CACNB1: variants seen among roughly 807,000 people sequenced by gnomAD.
The protein encoded by CACNB1 is voltage-dependent L-type calcium channel subunit beta-1.
Under a neutral mutation model 71.6 loss-of-function variants are expected in CACNB1, and 29 were observed. The observed-to-expected ratio is 0.40, with a 90% CI of 0.30 to 0.55. The LOEUF (loss-of-function observed/expected upper bound fraction) is 0.55, where lower values mean the gene tolerates loss of function less well. Ranked by LOEUF, CACNB1 falls within the 20% of genes least tolerant of loss-of-function variation. The pLI, the probability that CACNB1 is intolerant of heterozygous loss-of-function variation, is 0.38. For synonymous variants in CACNB1, 300 were observed against 319.6 expected, an observed-to-expected ratio of 0.94 and a Z score of 0.65; for missense variants, 623 against 801.8, an observed-to-expected ratio of 0.78 and a Z score of 2.69.
In CACNB1 at chr17:39,186,069, G is replaced by A; in HGVS notation, c.628+427C>T. 2 of 1,613,966 alleles carry A rather than the reference G, an allele frequency of 1.2e-6. No homozygotes were observed. The highest frequency in any genetic ancestry group is 1.7e-5 in the Admixed American group (1 of 60,012). ...GCCTCTTCCTCCTCTAACTCTAGGGGGTCTAGTTCAAAGGCTAAGTTAGTC... is the reference window on the plus strand; with the variant it reads ...GCCTCTTCCTCCTCTAACTCTAGGGAGTCTAGTTCAAAGGCTAAGTTAGTC... On this transcript the variant is annotated intron_variant, in intron 6 of 13. Transcript: ENST00000394303. This position sits in a 1 kb window ranked among gnomAD's most constrained non-coding sequence, Gnocchi z 4.1.
chr17:39,178,033 T>C lies in CACNB1; in HGVS notation c.1097A>G (p.His366Arg). Residue 366 changes from histidine (H) to arginine (R), a missense_variant, in exon 12 of 14, where the codon CAC becomes CGC. Coordinates refer to ENST00000394303, the MANE Select transcript of CACNB1 (RefSeq NM_000723.5). ...CGAGGCCGCTATTTGGACATTGAGG[T>C]GTTTGGACTGAGACTTTCCTCGGGA... ...IKSRGKSQSKHLNVQIAASEK... is the reference protein window; with the variant it reads ...IKSRGKSQSKRLNVQIAASEK... 1 of 1,613,962 alleles carries C rather than the reference T, an allele frequency of 6.2e-7. No homozygotes were observed. The highest frequency in any genetic ancestry group is 8.5e-7 in the Non-Finnish European group (1 of 1,179,964).
Position 39,187,548 on chromosome 17 carries a change from T to G in CACNB1, c.345A>C (p.Pro115=), listed in dbSNP as rs781283414. The G allele has an allele frequency of 2.1e-5, 34 of 1,614,044 alleles. No homozygotes were observed. In the Admixed American group the frequency reaches 5.7e-4, roughly 27 times the overall value. Reference sequence around the variant, plus strand: ...CTCCCTGCACAGGCACCTCATCCCCTGGAGACGGATTGTAGCCAACATTTG... The same window carrying G: ...CTCCCTGCACAGGCACCTCATCCCCGGGAGACGGATTGTAGCCAACATTTG... The part of the protein sequence containing the change: ...VRTNVGYNPS[P]GDEVPVQGVA... The change falls in exon 4 of 14, where the codon CCA becomes CCC. Residue 115 remains proline, a synonymous_variant. Transcript: ENST00000394303.
At position 39,185,189 on chromosome 17, in the gene CACNB1, G is replaced by A. The variant is rs184652072; in HGVS notation, c.629-39C>T. 2.1e-5 allele frequency: 33 copies of A among 1,540,338 alleles called. No individual in the cohort carries two copies. The East Asian group carries it at 7.2e-4, about 34-fold the overall frequency. On this transcript the variant is annotated intron_variant, in intron 6 of 13. Coordinates refer to ENST00000394303, the MANE Select transcript of CACNB1 (RefSeq NM_000723.5). Reference sequence around the variant, plus strand: ...TTGCCAAGAGAGGGAAGGGGGAGGAGAGAGGGAAGGGGACCCAGGCAGGGG... The same window carrying A: ...TTGCCAAGAGAGGGAAGGGGGAGGAAAGAGGGAAGGGGACCCAGGCAGGGG...
Position 39,175,199 on chromosome 17 carries a change from A to G in CACNB1, c.1791T>C (p.Ile597=). 1 of 1,609,220 alleles carries G rather than the reference A, an allele frequency of 6.2e-7. No individual in the cohort carries two copies. The highest frequency in any genetic ancestry group is 8.5e-7 in the Non-Finnish European group (1 of 1,177,214). The change falls in exon 14 of 14, where the codon ATT becomes ATC. Residue 597 remains isoleucine (I), a synonymous_variant. Transcript: ENST00000394303. This position sits in a 1 kb window ranked among gnomAD's most constrained non-coding sequence, Gnocchi z 4.7. ...GCCGTGTGGCCCCTGCCTCTCAGCGAATGTAGACGCCTCGTCCCCAGCCCT... is the reference window on the plus strand; with the variant it reads ...GCCGTGTGGCCCCTGCCTCTCAGCGGATGTAGACGCCTCGTCCCCAGCCCT... ...ELEGWGRGVY[I]R
chr17:39,186,739 G>A lies in CACNB1; in HGVS notation c.551+54C>T, dbSNP rs933072825. The stretch of plus-strand genomic sequence containing the variant: ...CAACCATTGAGGCCTAGTCCAGGCT[G>A]TATGGCCTCTCCTGGGGTTGGCAGC... On this transcript the variant is annotated intron_variant, in intron 5 of 13. Coordinates refer to ENST00000394303, the MANE Select transcript of CACNB1 (RefSeq NM_000723.5). The surrounding 1 kb of genome is among the most constrained non-coding windows in gnomAD (Gnocchi z 4.1). 1 of 1,605,356 alleles carries A rather than the reference G, an allele frequency of 6.2e-7. No individual in the cohort carries two copies. The highest frequency in any genetic ancestry group is 8.5e-7 in the Non-Finnish European group (1 of 1,173,586).
chr17:39,178,308 G>A (rs942657213), intron 11 of CACNB1: 11 of 419,280 alleles, frequency 2.6e-5, no homozygotes, highest in Non-Finnish European at 4.3e-5. Flanking sequence ...TTCCTTAGGG[G>A]CTATATGAAG....
chr17:39,181,090 A>G (rs888349483), intron 11 of CACNB1, among the ~76,000 whole-genome samples: 2 of 151,942 alleles, frequency 1.3e-5, no homozygotes, highest in Admixed American at 1.3e-4. Context: ...GTTTATTTTT[A>G]TTTATTTATT....
rs755303801 is a variant in CACNB1 at position 39,184,870 on chromosome 17, G to T, written c.649-6C>A. ...TAGGGGGGCACATGCTCTGTCTGGG[G>T]GGGGAAGCAGGGAGGGGAAACCCCA... On this transcript the variant is annotated splice_polypyrimidine_tract_variant and splice_region_variant and intron_variant, in intron 7 of 13. Transcript: ENST00000394303. 11 of 1,527,266 alleles carry T rather than the reference G, an allele frequency of 7.2e-6. No homozygotes were observed. In the Admixed American group the frequency reaches 1.5e-4, roughly 21 times the overall value. 94.6% of individuals were successfully genotyped at this position (1,527,266 alleles called of 1,614,324 possible).
In CACNB1 at chr17:39,183,494, A is replaced by T. The variant is rs542763530; in HGVS notation, c.1050+219T>A. Among the ~76,000 whole-genome samples the T allele has an allele frequency of 2.6e-5, 4 of 152,306 alleles. No homozygotes were observed. In the South Asian group the frequency reaches 8.3e-4, roughly 32 times the overall value. On this transcript the variant is annotated intron_variant, in intron 11 of 13. Coordinates refer to ENST00000394303, the MANE Select transcript of CACNB1 (RefSeq NM_000723.5). ...GACTGGTCTGCATGACCCTAATAAT[A>T]GTAAATAATAGCTAACATGTTGTAT...
chr17:39,178,330 T>C (rs1028036151), intron 11 of CACNB1: 8 of 350,604 alleles, frequency 2.3e-5, no homozygotes, highest in African/African-American at 4.3e-5. Context: ...GCAGTGATTC[T>C]CCTTCTCAAC....
intron 8 of CACNB1, 114 bp from the exon 9 acceptor site, chr17:39,184,497 C>G (rs931011283): frequency 1.4e-6 from 1 of 702,926 alleles, no homozygotes; most frequent in Non-Finnish European, 2.6e-6. Context: ...TCTGGACAGG[C>G]CTTTACGGCG....
At chr17:39,195,844 A>G (rs893127216) in intron 1 of CACNB1, among the ~76,000 whole-genome samples, 6 of 152,094 alleles carry the variant, frequency 3.9e-5, no homozygotes, top group African/African-American at 1.4e-4. Context: ...GCACCACATG[A>G]GCCTAGGACA....
chr17:39,184,712 T>C lies in CACNB1; in HGVS notation c.729+72A>G, dbSNP rs75973663. 1.2e-3 allele frequency: 1,290 copies of C among 1,108,926 alleles called. 10 individuals carry two copies. The African/African-American group carries it at 0.018, about 16-fold the overall frequency. The allele number at this position is 1,108,926 out of a possible 1,614,324, so 68.7% of individuals were successfully genotyped here. A position where few individuals can be genotyped will look rare whatever the true frequency, so the allele number is the denominator to read the frequency against. ...AGGATGCCTTGGGATCGGGCCCTTCTAGGGGATCTCTCTGGGGTCTGAAGA... is the reference window on the plus strand; with the variant it reads ...AGGATGCCTTGGGATCGGGCCCTTCCAGGGGATCTCTCTGGGGTCTGAAGA... On this transcript the variant is annotated intron_variant, in intron 8 of 13. Transcript: ENST00000394303.
intron 3 of CACNB1, among the ~76,000 whole-genome samples, chr17:39,191,008 T>G (rs922472465): frequency 2.6e-5 from 4 of 151,656 alleles, no homozygotes; most frequent in South Asian, 4.2e-4. Flanking sequence ...ATCGAGACCA[T>G]CCTGGCTAAC....
chr17:39,184,674 T>C (rs2285837), intron 8 of CACNB1, 110 bp downstream of exon 8: 39,630 of 806,480 alleles, frequency 0.049, 1,186 homozygotes, highest in East Asian at 0.068. Context: ...TGAAAGTCTG[T>C]AGCCCTCCTG....
chr17:39,175,759 G>C lies in CACNB1; in HGVS notation c.1333-102C>G. ...GTGACAGCATTAAGAGGTCCGGCCT[G>C]GATGAAGAGGGTGCTGGCTCTAGAG... On this transcript the variant is annotated intron_variant, in intron 13 of 13. Transcript: ENST00000394303. This position sits in a 1 kb window ranked among gnomAD's most constrained non-coding sequence, Gnocchi z 4.7. 1.1e-6 allele frequency: 1 copy of C among 944,908 alleles called. No individual in the cohort carries two copies. The highest frequency in any genetic ancestry group is 1.6e-6 in the Non-Finnish European group (1 of 643,010). 58.5% of individuals were successfully genotyped at this position (944,908 alleles called of 1,614,324 possible). A position where few individuals can be genotyped will look rare whatever the true frequency, so the allele number is the denominator to read the frequency against.
intron 11 of CACNB1, chr17:39,178,385 G>T (rs801231): frequency 0.086 from 14,379 of 168,132 alleles, 726 homozygotes; most frequent in African/African-American, 0.12. Context: ...CTTTTTTTTT[G>T]TTTTTTTTTT....
chr17:39,181,773 T>C (rs2045770612), intron 11 of CACNB1, among the ~76,000 whole-genome samples: 1 of 152,056 alleles, frequency 6.6e-6, no homozygotes, highest in African/African-American at 2.4e-5. Flanking sequence ...TCCCAGCACT[T>C]AGGGAGGCTG....
intron 4 of CACNB1, 187 bp from the exon 5 acceptor site, chr17:39,187,116 C>T (rs1475650185): frequency 1.6e-6 from 1 of 644,512 alleles, no homozygotes; most frequent in African/African-American, 1.8e-5. Flanking sequence ...CCAGGACCAG[C>T]ATGCTTTCTG....
Sources: gnomAD v4.1 joint callset for allele counts (sites outside exome capture counted in the v4.1 genomes callset) on GRCh38, gnomAD v4.1.1 for gene constraint, Gnocchi (gnomAD v3.1) non-coding constraint, MANE v1.5 for transcripts, NCBI Gene and HGNC (gene_info 2026-07-23, HGNC 2026-07-21) for gene names.